Variants in SLC22A23 observed in about 807,000 individuals in gnomAD.
The protein encoded by SLC22A23 is ion transporter protein.
Under a neutral mutation model 61.0 loss-of-function variants are expected in SLC22A23, and 26 were observed. The observed-to-expected ratio is 0.43, with a 90% CI of 0.31 to 0.59. The LOEUF (loss-of-function observed/expected upper bound fraction) is 0.59. Ranked by LOEUF, SLC22A23 falls within the 20% of genes least tolerant of loss-of-function variation. The probability of loss-of-function intolerance (pLI) is 0.11; values close to 1 mark genes in which losing one functional copy is unlikely to be tolerated. For synonymous variants in SLC22A23, 430 were observed against 413.9 expected, an observed-to-expected ratio of 1.04 and a Z score of -0.47; for missense variants, 796 against 934.7, an observed-to-expected ratio of 0.85 and a Z score of 1.94.
chr6:3,423,293 CTTTG>C (rs148365800), intron 1 of SLC22A23, among the ~76,000 whole-genome samples: 6,061 of 80,884 alleles, frequency 0.075, 405 homozygotes, highest in African/African-American at 0.17. Flanking sequence ...AGTCACTTTT[CTTTG>C]TTTGTTTCTT....
intron 1 of SLC22A23, chr6:3,444,999 G>A: frequency 1.0e-6 from 1 of 985,506 alleles, no homozygotes; most frequent in South Asian, 4.7e-5. Context: ...GAGGCTTCCA[G>A]GGTGGGGGCT....
At chr6:3,359,799 G>C (rs1765325216) in intron 3 of SLC22A23, among the ~76,000 whole-genome samples, 1 of 152,178 alleles carries the variant, frequency 6.6e-6, no homozygotes, top group Non-Finnish European at 1.5e-5. Context: ...GAGCAACGCA[G>C]GTGTCCATCA....
intron 3 of SLC22A23, among the ~76,000 whole-genome samples, chr6:3,348,558 C>T (rs1361343897): frequency 6.6e-6 from 1 of 152,218 alleles, no homozygotes; most frequent in African/African-American, 2.4e-5. Flanking sequence ...TGGAAAAATG[C>T]AGCCCACCAT....
chr6:3,377,992 A>C (rs1472610249), intron 3 of SLC22A23: 2 of 152,252 alleles, frequency 1.3e-5, no homozygotes, highest in African/African-American at 4.8e-5. Flanking sequence ...CAATTCCTCC[A>C]GGGAACAGGA....
chr6:3,316,405 C>A (rs1031629046), intron 4 of SLC22A23, among the ~76,000 whole-genome samples: 1 of 152,226 alleles, frequency 6.6e-6, no homozygotes, highest in African/African-American at 2.4e-5. Flanking sequence ...TGTGAAGACA[C>A]AATCAGCAAA....
chr6:3,319,525 C>T (rs890685848), intron 4 of SLC22A23, among the ~76,000 whole-genome samples: 3 of 152,132 alleles, frequency 2.0e-5, no homozygotes, highest in Admixed American at 1.3e-4. Flanking sequence ...TTCAGGAGAT[C>T]GGGAGCTTGC....
At position 3,328,194 on chromosome 6, in the gene SLC22A23, T is replaced by C. The variant is rs906392768; in HGVS notation, c.914-4192A>G. 1.3e-5 allele frequency among the ~76,000 whole-genome samples: 2 copies of C among 150,854 alleles called. No individual in the cohort carries two copies. The highest frequency in any genetic ancestry group is 2.9e-5 in the Non-Finnish European group (2 of 67,860). ...CTTTGTCGATAAGCAGAGAGATTAC[T>C]GAGGGTTGTGAGAATGAAACAGTAC... On this transcript the variant is annotated intron_variant, in intron 3 of 9. Transcript: ENST00000406686. The surrounding 1 kb of genome is among the most constrained non-coding windows in gnomAD (Gnocchi z 5.0).
intron 9 of SLC22A23, among the ~76,000 whole-genome samples, chr6:3,274,310 G>A (rs1413048615): frequency 6.6e-6 from 1 of 152,228 alleles, no homozygotes; most frequent in Admixed American, 6.5e-5. Context: ...TCAGGTGTCA[G>A]GCCAGGCTAG....
intron 3 of SLC22A23, among the ~76,000 whole-genome samples, chr6:3,391,984 C>CTGGACACACA (rs1442531461): frequency 8.9e-4 from 136 of 152,276 alleles, no homozygotes; most frequent in African/African-American, 3.1e-3. Context: ...CCAAACCATG[C>CTGGACACACA]AAGATAGCAT....
rs1761202380 is a variant in SLC22A23, at chr6:3,297,396, ATCTG to A, written c.1210+691_1210+694del. Among the ~76,000 whole-genome samples the A allele has an allele frequency of 6.6e-6, 1 of 152,302 alleles. No homozygotes were observed. Among genetic ancestry groups the A allele is most frequent in the African/African-American group, 2.4e-5 (1 of 41,562 alleles). ...GACCACCAGTGATCTTCAAACGGAAATCTGTATACCACTTGCATCAGAATCTCTT... is the reference window on the plus strand; with the variant it reads ...GACCACCAGTGATCTTCAAACGGAAATATACCACTTGCATCAGAATCTCTT... On this transcript the variant is annotated intron_variant, in intron 5 of 9. Transcript: ENST00000406686. This position sits in a 1 kb window ranked among gnomAD's most constrained non-coding sequence, Gnocchi z 4.3.
At position 3,413,188 on chromosome 6, in the gene SLC22A23, C is replaced by T. The variant is rs144370061; in HGVS notation, c.758+2564G>A. Among the ~76,000 whole-genome samples, 22 of 152,296 alleles carry T rather than the reference C, an allele frequency of 1.4e-4. No individual in the cohort carries two copies. In the East Asian group the frequency reaches 2.9e-3, roughly 20 times the overall value. ...AAGCTGAGAGGGAACCCACAACAGA[C>T]GGTGTTTGACCTTGCGGCTCTCGAC... On this transcript the variant is annotated intron_variant, in intron 2 of 9. Coordinates refer to ENST00000406686, the MANE Select transcript of SLC22A23 (RefSeq NM_015482.2).
At chr6:3,408,933 G>A (rs963670276) in intron 3 of SLC22A23, among the ~76,000 whole-genome samples, 1 of 152,264 alleles carries the variant, frequency 6.6e-6, no homozygotes, top group African/African-American at 2.4e-5. Flanking sequence ...CTGAGGGCAG[G>A]ACCAGGAGGC....
chr6:3,353,515 T>C (rs987503861), intron 3 of SLC22A23, among the ~76,000 whole-genome samples: 1 of 152,160 alleles, frequency 6.6e-6, no homozygotes, highest in Non-Finnish European at 1.5e-5. Context: ...ACCTGCTTGA[T>C]TGAGGTGTTC....
chr6:3,345,998 T>A (rs1480513576), intron 3 of SLC22A23, among the ~76,000 whole-genome samples: 1 of 152,182 alleles, frequency 6.6e-6, no homozygotes, highest in Non-Finnish European at 1.5e-5. Flanking sequence ...CTGAGCAACA[T>A]GGTACACACG....
chr6:3,402,226 T>G (rs1561954425), intron 3 of SLC22A23, among the ~76,000 whole-genome samples: 1 of 152,188 alleles, frequency 6.6e-6, no homozygotes, highest in African/African-American at 2.4e-5. Flanking sequence ...AGCTCCTAGC[T>G]TGGCCTTCTT....
chr6:3,320,411 G>T (rs1292404154), intron 4 of SLC22A23, among the ~76,000 whole-genome samples: 1 of 152,072 alleles, frequency 6.6e-6, no homozygotes, highest in Non-Finnish European at 1.5e-5. Context: ...GTGCAGCTTG[G>T]TTTCCAGTCC....
intron 3 of SLC22A23, among the ~76,000 whole-genome samples, chr6:3,404,493 A>G (rs1768655758): frequency 6.6e-6 from 1 of 152,204 alleles, no homozygotes; most frequent in South Asian, 2.1e-4. Context: ...TGGCGAACAT[A>G]TAGGTAGAGA....
intron 6 of SLC22A23, among the ~76,000 whole-genome samples, chr6:3,288,074 G>A (rs1760216958): frequency 6.6e-6 from 1 of 152,142 alleles, no homozygotes; most frequent in African/African-American, 2.4e-5. Context: ...TCAACCTGCT[G>A]GAAAAACGTG....
At chr6:3,364,166 A>C (rs1012250105) in intron 3 of SLC22A23, among the ~76,000 whole-genome samples, 7 of 152,214 alleles carry the variant, frequency 4.6e-5, no homozygotes, top group African/African-American at 1.7e-4. Context: ...AATATGCAAT[A>C]TTGTATTGCT....
Sources: gnomAD v4.1 joint callset for allele counts (sites outside exome capture counted in the v4.1 genomes callset) on GRCh38, gnomAD v4.1.1 for gene constraint, Gnocchi (gnomAD v3.1) non-coding constraint, MANE v1.5 for transcripts, NCBI Gene and HGNC (gene_info 2026-07-23, HGNC 2026-07-21) for gene names.